Variants in FAM83B observed in about 807,000 individuals in gnomAD.
The protein encoded by FAM83B is scaffolding CK1 anchoring protein B, also known as protein FAM83B.
Under a neutral mutation model 38.8 loss-of-function variants are expected in FAM83B, and 26 were observed. The ratio of observed to expected loss-of-function variants is 0.67; its 90% CI spans 0.49 to 0.93. FAM83B has a LOEUF of 0.93. Among genes scored for constraint, FAM83B ranks in the 40% least tolerant of loss-of-function variants. FAM83B has a pLI of 0.00. For missense variants in FAM83B, 1,237 were observed against 1,197.3 expected, an observed-to-expected ratio of 1.03 and a Z score of -0.49; for synonymous variants, 419 against 423.1, an observed-to-expected ratio of 0.99 and a Z score of 0.12.
intron 2 of FAM83B, among the ~76,000 whole-genome samples, chr6:54,887,014 T>G (rs1457563919): frequency 1.3e-5 from 2 of 152,168 alleles, no homozygotes; most frequent in Admixed American, 1.3e-4. Context: ...TTTTATCTTT[T>G]TGTCGTTGAA....
At position 54,941,753 on chromosome 6, in the gene FAM83B, T is replaced by G; in HGVS notation, c.2782T>G (p.Ser928Ala). Residue 928 changes from serine (S) to alanine (A), a missense_variant, in exon 5 of 5, where the codon TCA becomes GCA. Ser to Ala is a moderately conservative substitution (Grantham distance 99). Transcript: ENST00000306858. ...PTSSELLRSH[S>A]TDRRVYSRFE... Reference sequence around the variant, plus strand: ...GTCCAGTGAGCTTCTACGATCTCATTCAACTGATCGGCGTGTTTACAGTCG... The same window carrying G: ...GTCCAGTGAGCTTCTACGATCTCATGCAACTGATCGGCGTGTTTACAGTCG... 1 of 1,614,148 alleles carries G rather than the reference T, an allele frequency of 6.2e-7. No individual in the cohort carries two copies. Among genetic ancestry groups the G allele is most frequent in the Non-Finnish European group, 8.5e-7 (1 of 1,180,018 alleles).
chr6:54,942,937 C>T lies in FAM83B; in HGVS notation c.*930C>T, dbSNP rs1039998693. On this transcript the variant is annotated 3_prime_UTR_variant, in exon 5 of 5. Coordinates refer to ENST00000306858, the MANE Select transcript of FAM83B (RefSeq NM_001010872.3). Reference sequence around the variant, plus strand: ...TTTTCTTTTGAGATGGAGTCTCGCTCTGTCACCCAGGCTAGAGTGCAGTGG... The same window carrying T: ...TTTTCTTTTGAGATGGAGTCTCGCTTTGTCACCCAGGCTAGAGTGCAGTGG... Among the ~76,000 whole-genome samples, 2 of 151,120 alleles carry T rather than the reference C, an allele frequency of 1.3e-5. No homozygotes were observed. The highest frequency in any genetic ancestry group is 3.2e-3 in the Middle Eastern group (1 of 314).
chr6:54,884,865 C>T lies in FAM83B; in HGVS notation c.444+14175C>T, dbSNP rs533416666. Among the ~76,000 whole-genome samples the T allele has an allele frequency of 5.7e-3, 861 of 151,826 alleles. 5 individuals are homozygous for T. The highest frequency in any genetic ancestry group is 0.02 in the African/African-American group (810 of 41,388). ...TGGGCTCACTGCAAGCTCCGCCTCC[C>T]GGGTTCACGCCATTCTCCTGCCTCA... On this transcript the variant is annotated intron_variant, in intron 2 of 4. Transcript: ENST00000306858.
At chr6:54,913,360 G>A (rs1001470552) in intron 2 of FAM83B, among the ~76,000 whole-genome samples, 1 of 152,020 alleles carries the variant, frequency 6.6e-6, no homozygotes, top group Non-Finnish European at 1.5e-5. Flanking sequence ...TCCTTACCAT[G>A]TGCTACTGCT....
intron 2 of FAM83B, among the ~76,000 whole-genome samples, chr6:54,911,104 A>T (rs1304314540): frequency 6.6e-6 from 1 of 151,322 alleles, no homozygotes; most frequent in Admixed American, 6.6e-5. Flanking sequence ...GGGTACAGAG[A>T]GAGTGAGCAT....
chr6:54,911,081 T>A (rs936938509), intron 2 of FAM83B, among the ~76,000 whole-genome samples: 1 of 151,768 alleles, frequency 6.6e-6, no homozygotes, highest in African/African-American at 2.4e-5. Context: ...TTTTCTATCA[T>A]TTTTCTCCTG....
intron 1 of FAM83B, among the ~76,000 whole-genome samples, chr6:54,862,255 G>A (rs772622583): frequency 6.6e-6 from 1 of 152,198 alleles, no homozygotes; most frequent in African/African-American, 2.4e-5. Flanking sequence ...GTTTTGAGAG[G>A]CTATAGATCT....
intron 2 of FAM83B, among the ~76,000 whole-genome samples, chr6:54,897,950 T>C (rs543230147): frequency 8.5e-5 from 13 of 152,304 alleles, no homozygotes; most frequent in South Asian, 6.2e-4. Context: ...ATACCTGAAT[T>C]ATTACATATG....
chr6:54,888,727 TTTTA>T (rs1252752489), intron 2 of FAM83B, among the ~76,000 whole-genome samples: 15 of 151,904 alleles, frequency 9.9e-5, no homozygotes, highest in Non-Finnish European at 1.9e-4. Flanking sequence ...GGGGAACAGT[TTTTA>T]AATTTTTTTT....
chr6:54,904,736 T>C (rs988729618), intron 2 of FAM83B, among the ~76,000 whole-genome samples: 22 of 152,190 alleles, frequency 1.4e-4, no homozygotes, highest in Non-Finnish European at 2.6e-4. Context: ...CAGAATGTGG[T>C]AAGAGCCAGG....
At chr6:54,859,872 G>T (rs2127572998) in intron 1 of FAM83B, among the ~76,000 whole-genome samples, 1 of 152,296 alleles carries the variant, frequency 6.6e-6, no homozygotes, top group East Asian at 1.9e-4. Flanking sequence ...AATGAGAAAA[G>T]AAGTGGTTAT....
In FAM83B at chr6:54,883,524, C is replaced by T. The variant is rs1185184911; in HGVS notation, c.444+12834C>T. ...TAATTTTTTGTATTTTTAGTAGAGA[C>T]GGGGGTTCTCCATGTTGGTCAGGCT... On this transcript the variant is annotated intron_variant, in intron 2 of 4. Transcript: ENST00000306858. 1.3e-4 allele frequency among the ~76,000 whole-genome samples: 19 copies of T among 150,570 alleles called. No individual in the cohort carries two copies. In the South Asian group the frequency reaches 1.7e-3, roughly 13 times the overall value.
rs771043633 is a variant in FAM83B, at chr6:54,940,249, G to A, written c.1278G>A (p.Ala426=). 28 of 1,613,828 alleles carry A rather than the reference G, an allele frequency of 1.7e-5. No homozygotes were observed. Among genetic ancestry groups the A allele is most frequent in the Middle Eastern group, 1.6e-4 (1 of 6,080 alleles). ...AGCCATCTGATAGTCTCAGTGTGGCGTCCTCATCACGGGAAGGCTATGTAA... is the reference window on the plus strand; with the variant it reads ...AGCCATCTGATAGTCTCAGTGTGGCATCCTCATCACGGGAAGGCTATGTAA... ...WKKPSDSLSV[A]SSSREGYVSH... is the part of the protein sequence containing the mutation. Residue 426 remains alanine, a synonymous_variant, in exon 5 of 5, where the codon GCG becomes GCA. Coordinates refer to ENST00000306858, the MANE Select transcript of FAM83B (RefSeq NM_001010872.3).
At chr6:54,889,102 T>G (rs1445315386) in intron 2 of FAM83B, among the ~76,000 whole-genome samples, 2 of 152,126 alleles carry the variant, frequency 1.3e-5, no homozygotes, top group African/African-American at 4.8e-5. Context: ...CCTATAATTC[T>G]CATTAGTCTA....
intron 2 of FAM83B, among the ~76,000 whole-genome samples, chr6:54,890,349 C>CT (rs1183453018): frequency 6.6e-6 from 1 of 152,036 alleles, no homozygotes; most frequent in Non-Finnish European, 1.5e-5. Flanking sequence ...TGTCATCTGC[C>CT]TTTTTCTATT....
intron 2 of FAM83B, among the ~76,000 whole-genome samples, chr6:54,882,583 A>G (rs1327526749): frequency 6.6e-6 from 1 of 152,152 alleles, no homozygotes; most frequent in East Asian, 1.9e-4. Context: ...AACCAGCTGA[A>G]CATTCACAAC....
chr6:54,935,001 A>G (rs1297946925), intron 4 of FAM83B, among the ~76,000 whole-genome samples: 1 of 152,124 alleles, frequency 6.6e-6, no homozygotes, highest in Non-Finnish European at 1.5e-5. Context: ...TTCACTTGCT[A>G]CTTCCCTTTT....
chr6:54,870,491 C>A lies in FAM83B; in HGVS notation c.245C>A (p.Ser82Tyr). The A allele has an allele frequency of 6.2e-7, 1 of 1,613,774 alleles. No individual in the cohort carries two copies. Among genetic ancestry groups the A allele is most frequent in the South Asian group, 1.1e-5 (1 of 91,044 alleles). ...AGCACAGCACATGGTACTGATGATT[C>A]CTGTGATGATACCTTATCTTCAGGG... ...AQSTAHGTDDSCDDTLSSGTY... is the reference protein window; with the variant it reads ...AQSTAHGTDDYCDDTLSSGTY... Residue 82 changes from serine (S) to tyrosine (Y), a missense_variant, in exon 2 of 5, where the codon TCC becomes TAC. Transcript: ENST00000306858.
intron 2 of FAM83B, among the ~76,000 whole-genome samples, chr6:54,876,013 A>T (rs1310895037): frequency 6.6e-6 from 1 of 152,134 alleles, no homozygotes; most frequent in African/African-American, 2.4e-5. Context: ...GTTGCACACC[A>T]AAGTCGTCAG....
Sources: allele counts gnomAD v4.1 joint callset (sites outside exome capture counted in the v4.1 genomes callset), GRCh38; gene constraint gnomAD v4.1.1; transcripts MANE v1.5; gene names NCBI Gene and HGNC (gene_info 2026-07-23, HGNC 2026-07-21).